The following NSUN7 variants were observed in gnomAD, a reference collection of about 807,000 sequenced individuals.
NSUN7 encodes the protein NOP2/Sun RNA methyltransferase family member 7, also known as protein NSUN7.
Under a neutral mutation model 58.5 loss-of-function variants are expected in NSUN7, and 39 were observed. That is an observed-to-expected ratio of 0.67 (90% CI 0.52 to 0.87). The LOEUF is 0.87. Ranked by LOEUF, NSUN7 falls within the 40% of genes least tolerant of loss-of-function variation. NSUN7 has a pLI of 0.00. For synonymous variants in NSUN7, 278 were observed against 303.7 expected (o/e 0.92, Z 0.88); for missense variants, 765 against 844.1 (o/e 0.91, Z 1.16).
rs1267452217 is a variant in NSUN7 at position 40,780,809 on chromosome 4, ATATATTTTTTTTTTTT to A, written c.1036+4552_1036+4567del. ...CACATACACATATATATATATATATATATATTTTTTTTTTTTTTTTTTTTTTTTGAGACGGTGTCTC... is the reference window on the plus strand; with the variant it reads ...CACATACACATATATATATATATATATTTTTTTTTTTTGAGACGGTGTCTC... On this transcript the variant is annotated intron_variant, in intron 7 of 11. Transcript: ENST00000381782. Among the ~76,000 whole-genome samples the A allele has an allele frequency of 3.7e-3, 363 of 99,390 alleles. 3 individuals carry two copies. Among genetic ancestry groups the A allele is most frequent in the African/African-American group, 0.014 (352 of 25,324 alleles). The allele number at this position is 99,390 out of a possible 152,430, so 65.2% of individuals were successfully genotyped here.
chr4:40,802,697 T>C (rs980954955), intron 10 of NSUN7, among the ~76,000 whole-genome samples: 6 of 152,136 alleles, frequency 3.9e-5, no homozygotes, highest in Non-Finnish European at 7.4e-5. Context: ...GGAAATACAT[T>C]TTATATCACA....
chr4:40,759,598 C>T (rs1741342284), intron 2 of NSUN7, among the ~76,000 whole-genome samples: 2 of 152,302 alleles, frequency 1.3e-5, no homozygotes, highest in African/African-American at 4.8e-5. Context: ...ACCAATCTAA[C>T]ACAAACTCTG....
intron 2 of NSUN7, among the ~76,000 whole-genome samples, chr4:40,759,812 G>A (rs1345396065): frequency 1.3e-5 from 2 of 152,118 alleles, no homozygotes; most frequent in Non-Finnish European, 2.9e-5. Flanking sequence ...AGGCCTAGGC[G>A]GGCAGATCAC....
chr4:40,807,769 T>C (rs1315909149), intron 11 of NSUN7, among the ~76,000 whole-genome samples: 2 of 151,142 alleles, frequency 1.3e-5, no homozygotes, highest in African/African-American at 2.4e-5. Flanking sequence ...CAGCCAGGCA[T>C]GGGGGCTCAA....
At chr4:40,807,036 G>T in intron 10 of NSUN7, 25 bp from the exon 11 acceptor site, 1 of 1,548,198 alleles carries the variant, frequency 6.5e-7, no homozygotes, top group Non-Finnish European at 8.7e-7. Context: ...TCTAACTGCT[G>T]AATGCTTGTT....
At chr4:40,802,542 G>A (rs1743630334) in intron 10 of NSUN7, among the ~76,000 whole-genome samples, 1 of 152,152 alleles carries the variant, frequency 6.6e-6, no homozygotes, top group Non-Finnish European at 1.5e-5. Context: ...GGGGTAGCAA[G>A]TAGGAGTAAG....
intron 8 of NSUN7, among the ~76,000 whole-genome samples, chr4:40,792,829 G>C (rs1468282433): frequency 6.6e-6 from 1 of 152,144 alleles, no homozygotes; most frequent in Non-Finnish European, 1.5e-5. Context: ...CTAAAAGCTT[G>C]AGCAAATAAG....
chr4:40,799,076 T>TTTG (rs1395441727), intron 10 of NSUN7, among the ~76,000 whole-genome samples, 172 bp downstream of exon 10: 7 of 100,754 alleles, frequency 6.9e-5, no homozygotes, highest in Admixed American at 1.9e-4. Flanking sequence ...CCTTTTTCTT[T>TTTG]TTTTTTTTTT....
rs1423611183 is a variant in NSUN7, at chr4:40,811,036, T to G, written c.*2097T>G. The G allele has an allele frequency of 6.6e-6, 1 of 152,236 alleles. No individual in the cohort carries two copies. Among genetic ancestry groups the G allele is most frequent in the African/African-American group, 2.4e-5 (1 of 41,472 alleles). The allele number at this position is 152,236 out of a possible 1,614,324, so 9.4% of individuals were successfully genotyped here. On this transcript the variant is annotated 3_prime_UTR_variant, in exon 12 of 12. Coordinates refer to ENST00000381782, the MANE Select transcript of NSUN7 (RefSeq NM_024677.6). ...GTTGTCTCATTGTTATGGAATAGTT[T>G]AGGATAATTTTCTGATCTCTACAGT...
rs1258073383 is a variant in NSUN7, at chr4:40,750,044, C to G, written c.-348C>G. 1.3e-5 allele frequency: 2 copies of G among 152,316 alleles called. No individual in the cohort carries two copies. The highest frequency in any genetic ancestry group is 2.9e-5 in the Non-Finnish European group (2 of 68,146). The allele number at this position is 152,316 out of a possible 1,614,324, so 9.4% of individuals were successfully genotyped here. On this transcript the variant is annotated 5_prime_UTR_variant, in exon 1 of 12. Coordinates refer to ENST00000381782, the MANE Select transcript of NSUN7 (RefSeq NM_024677.6). ...CCGCGCTCACCCCTCTTCGCCGCCA[C>G]GTCCGCGAAGGCCTCACGCGCGAGG...
chr4:40,789,523 C>T (rs1742983622), intron 7 of NSUN7, among the ~76,000 whole-genome samples: 1 of 106,370 alleles, frequency 9.4e-6, no homozygotes. Flanking sequence ...AGATTTTATC[C>T]TTTTAGAGAT....
intron 2 of NSUN7, among the ~76,000 whole-genome samples, chr4:40,751,230 C>T (rs899519315): frequency 1.3e-5 from 2 of 152,148 alleles, no homozygotes; most frequent in Non-Finnish European, 2.9e-5. Context: ...GTGTAGTGCG[C>T]GGTCATTACA....
chr4:40,810,263 C>CAT lies in NSUN7; in HGVS notation c.*1325_*1326dup, dbSNP rs1744148732. ...TTATTTTTATTTTAGCTTAGATTTA[C>CAT]ATTTATCAGTAAAACGTGTCAGTGG... On this transcript the variant is annotated 3_prime_UTR_variant, in exon 12 of 12. Transcript: ENST00000381782. The CAT allele has an allele frequency of 1.3e-5, 2 of 152,008 alleles. No homozygotes were observed. Among genetic ancestry groups the CAT allele is most frequent in the African/African-American group, 4.8e-5 (2 of 41,376 alleles). The allele number at this position is 152,008 out of a possible 1,614,324, so 9.4% of individuals were successfully genotyped here.
At chr4:40,783,998 C>T (rs542788517) in intron 7 of NSUN7, among the ~76,000 whole-genome samples, 2 of 152,054 alleles carry the variant, frequency 1.3e-5, no homozygotes, top group Non-Finnish European at 2.9e-5. Context: ...GAATATTTCT[C>T]CAGTGAAGAT....
chr4:40,769,983 G>C (rs192223530), intron 4 of NSUN7, among the ~76,000 whole-genome samples: 1 of 152,176 alleles, frequency 6.6e-6, no homozygotes, highest in South Asian at 2.1e-4. Flanking sequence ...GCCGAGGCGG[G>C]TGGATCTCCT....
At chr4:40,786,030 A>G (rs1410436406) in intron 7 of NSUN7, 2 of 1,505,618 alleles carry the variant, frequency 1.3e-6, no homozygotes, top group Non-Finnish European at 1.8e-6. Context: ...AGTCAGTCTT[A>G]TAGCTGGATC....
chr4:40,763,643 G>C (rs1216956493), intron 4 of NSUN7, among the ~76,000 whole-genome samples: 1 of 152,166 alleles, frequency 6.6e-6, no homozygotes, highest in African/African-American at 2.4e-5. Flanking sequence ...GGTGAGGAAA[G>C]TAGGAGTAGG....
In NSUN7 at chr4:40,809,139, C is replaced by T. The variant is rs938621971; in HGVS notation, c.*200C>T. On this transcript the variant is annotated 3_prime_UTR_variant, in exon 12 of 12. Coordinates refer to ENST00000381782, the MANE Select transcript of NSUN7 (RefSeq NM_024677.6). ...GAGTCAGCAAAGCAGAATTCAGAGA[C>T]TTCAGCCAATCACTGCTGCTCTGAG... The T allele has an allele frequency of 1.1e-5, 6 of 567,462 alleles. No homozygotes were observed. The Admixed American group carries it at 1.7e-4, about 16-fold the overall frequency. The allele number at this position is 567,462 out of a possible 1,614,324, so 35.2% of individuals were successfully genotyped here.
At chr4:40,784,845 A>G (rs1742733218) in intron 7 of NSUN7, among the ~76,000 whole-genome samples, 1 of 152,240 alleles carries the variant, frequency 6.6e-6, no homozygotes, top group Non-Finnish European at 1.5e-5. Context: ...ACCTCTCTCA[A>G]ATTGAAAACA....
Sources: allele counts gnomAD v4.1 joint callset (sites outside exome capture counted in the v4.1 genomes callset), GRCh38; gene constraint gnomAD v4.1.1; transcripts MANE v1.5; gene names NCBI Gene and HGNC (gene_info 2026-07-23, HGNC 2026-07-21).